Variants in THSD7B observed in about 807,000 individuals in gnomAD.
THSD7B encodes thrombospondin type 1 domain containing 7B.
THSD7B carries 138 observed loss-of-function variants against 213.6 expected under a neutral mutation model. The ratio of observed to expected loss-of-function variants is 0.65; its 90% CI spans 0.56 to 0.74. The LOEUF is 0.74. Ranked by LOEUF, THSD7B falls within the 30% of genes least tolerant of loss-of-function variation. THSD7B has a pLI of 0.00. For missense variants in THSD7B, 1,931 were observed against 1,991.5 expected (o/e 0.97, Z 0.58); for synonymous variants, 742 against 687.0 (o/e 1.08, Z -1.25).
Position 137,141,484 on chromosome 2 carries a change from ACACACACACT to A in THSD7B, c.1370-18719_1370-18710del, listed in dbSNP as rs1339951977. Among the ~76,000 whole-genome samples the A allele has an allele frequency of 7.4e-5, 5 of 67,830 alleles. No homozygotes were observed. In the South Asian group the frequency reaches 9.2e-4, roughly 13 times the overall value. The allele number at this position is 67,830 out of a possible 152,430, so 44.5% of individuals were successfully genotyped here. On this transcript the variant is annotated intron_variant, in intron 5 of 27. Coordinates refer to ENST00000409968, the MANE Select transcript of THSD7B (RefSeq NM_001316349.2). The stretch of plus-strand genomic sequence containing the variant: ...ATTGCGTAGAAACACACATGTGTGC[ACACACACACT>A]CACACACACACACACACACACACAC...
At chr2:137,066,057 C>A (rs1307496395) in intron 3 of THSD7B, among the ~76,000 whole-genome samples, 3 of 151,930 alleles carry the variant, frequency 2.0e-5, no homozygotes, top group African/African-American at 7.3e-5. Flanking sequence ...TTCCTCCTCT[C>A]TGAAGCTTCT....
At chr2:137,297,833 T>C (rs1683503714) in intron 12 of THSD7B, among the ~76,000 whole-genome samples, 1 of 152,164 alleles carries the variant, frequency 6.6e-6, no homozygotes, top group African/African-American at 2.4e-5. Flanking sequence ...CTGCCATAAT[T>C]GTGAGACCTC....
intron 12 of THSD7B, among the ~76,000 whole-genome samples, chr2:137,357,469 G>C (rs1350913172): frequency 1.3e-5 from 2 of 152,048 alleles, no homozygotes; most frequent in African/African-American, 4.8e-5. Context: ...TTATAGGATT[G>C]TTATAAGTAT....
intron 12 of THSD7B, among the ~76,000 whole-genome samples, chr2:137,363,678 G>T (rs1331345578): frequency 2.0e-5 from 3 of 152,044 alleles, no homozygotes; most frequent in African/African-American, 7.2e-5. Context: ...CCCTCCCAAG[G>T]CTAAACCAGG....
chr2:136,774,518 A>T (rs1681566549), intron 1 of THSD7B, among the ~76,000 whole-genome samples: 1 of 152,122 alleles, frequency 6.6e-6, no homozygotes, highest in African/African-American at 2.4e-5. Flanking sequence ...CATATAAAAA[A>T]AGTCCTGTGT....
rs56719114 is a variant in THSD7B at position 136,802,639 on chromosome 2, TTATATATATATATATATA to T, written c.-36+36978_-36+36995del. On this transcript the variant is annotated intron_variant, in intron 1 of 27. Coordinates refer to ENST00000409968, the MANE Select transcript of THSD7B (RefSeq NM_001316349.2). ...TTTAAAAATAATTTATGAATTAAGTTTATATATATATATATATATATATATATATATATATATATATAT... is the reference window on the plus strand; with the variant it reads ...TTTAAAAATAATTTATGAATTAAGTTTATATATATATATATATATATATAT... Among the ~76,000 whole-genome samples, 129 of 57,380 alleles carry T rather than the reference TTATATATATATATATATA, an allele frequency of 2.2e-3. 2 individuals carry two copies. The highest frequency in any genetic ancestry group is 0.011 in the East Asian group (16 of 1,420). The allele number at this position is 57,380 out of a possible 152,430, so 37.6% of individuals were successfully genotyped here. A position where few individuals can be genotyped will look rare whatever the true frequency, so the allele number is the denominator to read the frequency against.
At chr2:137,212,875 T>C (rs1324860767) in intron 7 of THSD7B, among the ~76,000 whole-genome samples, 1 of 152,014 alleles carries the variant, frequency 6.6e-6, no homozygotes, top group East Asian at 1.9e-4. Context: ...TGTAAAATTA[T>C]GGATCAGGAA....
intron 2 of THSD7B, among the ~76,000 whole-genome samples, chr2:137,024,143 A>T (rs548969968): frequency 3.8e-4 from 58 of 152,260 alleles, no homozygotes; most frequent in African/African-American, 1.2e-3. Context: ...CATTTGTTTT[A>T]TGAGAGAAAC....
chr2:137,183,719 G>A (rs1001116635), intron 7 of THSD7B, among the ~76,000 whole-genome samples: 5 of 152,068 alleles, frequency 3.3e-5, no homozygotes, highest in African/African-American at 9.7e-5. Context: ...GGGATGGGCC[G>A]TAATTATACC....
At chr2:137,532,908 T>TAA (rs1680426221) in intron 15 of THSD7B, among the ~76,000 whole-genome samples, 1 of 151,450 alleles carries the variant, frequency 6.6e-6, no homozygotes, top group African/African-American at 2.4e-5. Flanking sequence ...TATATATGTA[T>TAA]ACATATATGC....
At chr2:137,113,847 G>A (rs1295356151) in intron 4 of THSD7B, among the ~76,000 whole-genome samples, 2 of 152,128 alleles carry the variant, frequency 1.3e-5, no homozygotes, top group Non-Finnish European at 2.9e-5. Flanking sequence ...AAAAAAAAGT[G>A]AAAATTAAGT....
At chr2:137,310,042 A>G (rs1367228268) in intron 12 of THSD7B, among the ~76,000 whole-genome samples, 93 of 151,254 alleles carry the variant, frequency 6.1e-4, no homozygotes, top group Non-Finnish European at 1.5e-5. Flanking sequence ...TGGCTGGGTC[A>G]AATGGTATTT....
intron 1 of THSD7B, among the ~76,000 whole-genome samples, chr2:136,830,566 C>T (rs1054467725): frequency 6.6e-6 from 1 of 152,082 alleles, no homozygotes; most frequent in African/African-American, 2.4e-5. Flanking sequence ...CATGGGGATA[C>T]TGTAATGTTT....
intron 20 of THSD7B, 29 bp downstream of exon 20, chr2:137,620,755 C>A: frequency 6.4e-7 from 1 of 1,555,578 alleles, no homozygotes; most frequent in Non-Finnish European, 8.8e-7. Context: ...TTCCCACTAA[C>A]TAGTGTAGGT....
intron 15 of THSD7B, among the ~76,000 whole-genome samples, chr2:137,518,056 G>GTTGGGCTCCCAATCACATATATATGTGA (rs1177528929): frequency 2.6e-4 from 39 of 152,178 alleles, no homozygotes; most frequent in African/African-American, 8.4e-4. Context: ...AATGGAAGTG[G>GTTGGGCTCCCAATCACATATATATGTGA]TTGGGCTCCC....
At chr2:136,877,129 T>G (rs1683537955) in intron 1 of THSD7B, among the ~76,000 whole-genome samples, 2 of 152,216 alleles carry the variant, frequency 1.3e-5, no homozygotes, top group African/African-American at 4.8e-5. Context: ...AGAAAAGGAC[T>G]CTTGGTCAGA....
chr2:137,165,762 TACACACAC>T (rs10582774), intron 6 of THSD7B, among the ~76,000 whole-genome samples: 1 of 149,670 alleles, frequency 6.7e-6, no homozygotes, highest in Non-Finnish European at 1.5e-5. Context: ...TCTTAAAAAA[TACACACAC>T]ACACACACAC....
At chr2:137,654,107 C>CT in intron 21 of THSD7B, among the ~76,000 whole-genome samples, 1 of 152,076 alleles carries the variant, frequency 6.6e-6, no homozygotes, top group African/African-American at 2.4e-5. Flanking sequence ...GGTTTTCTTT[C>CT]TTTTTTTCTA....
At chr2:137,101,168 G>C (rs1030639673) in intron 4 of THSD7B, among the ~76,000 whole-genome samples, 6 of 152,070 alleles carry the variant, frequency 3.9e-5, no homozygotes, top group Non-Finnish European at 8.8e-5. Context: ...CTCCCAAGTA[G>C]CTGGGATTAC....
Sources: gnomAD v4.1 joint callset for allele counts (sites outside exome capture counted in the v4.1 genomes callset) on GRCh38, gnomAD v4.1.1 for gene constraint, MANE v1.5 for transcripts, NCBI Gene and HGNC (gene_info 2026-07-23, HGNC 2026-07-21) for gene names.